The following ADK variants were observed in gnomAD, a reference collection of about 807,000 sequenced individuals.
The protein encoded by ADK is N6,N6-dimethyladenosine kinase.
In ADK, 24 loss-of-function variants were observed where a neutral mutation model predicts 44.7. That is an observed-to-expected ratio of 0.54 (90% CI 0.39 to 0.76). ADK has a LOEUF of 0.76. ADK is among the 30% of genes least tolerant of loss of function. The pLI, the probability that ADK is intolerant of heterozygous loss-of-function variation, is 0.00. For missense variants in ADK, 321 were observed against 425.1 expected, an observed-to-expected ratio of 0.76 and a Z score of 2.15; for synonymous variants, 128 against 142.6, an observed-to-expected ratio of 0.90 and a Z score of 0.73.
chr10:74,694,244 A>G (rs540607998), intron 10 of ADK, among the ~76,000 whole-genome samples: 3 of 150,424 alleles, frequency 2.0e-5, no homozygotes, highest in Non-Finnish European at 4.4e-5. Context: ...AAGGAAACAC[A>G]AGTAGAAATT....
At chr10:74,155,998 A>C (rs1033660619) in intron 1 of ADK, among the ~76,000 whole-genome samples, 1 of 152,166 alleles carries the variant, frequency 6.6e-6, no homozygotes, top group African/African-American at 2.4e-5. Flanking sequence ...TTGGGCTATG[A>C]AGGAATGGAA....
At chr10:74,458,301 T>TTG (rs1448176539) in intron 6 of ADK, among the ~76,000 whole-genome samples, 1 of 144,224 alleles carries the variant, frequency 6.9e-6, no homozygotes, top group Non-Finnish European at 1.5e-5. Flanking sequence ...CAGGTTTTGT[T>TTG]TTTTTTTTTT....
At chr10:74,563,450 T>G (rs1850534663) in intron 7 of ADK, among the ~76,000 whole-genome samples, 2 of 152,232 alleles carry the variant, frequency 1.3e-5, no homozygotes, top group African/African-American at 4.8e-5. Context: ...TCTGTGTTAC[T>G]AGTTCCTAGC....
Position 74,356,002 on chromosome 10 carries a change from A to ATATTGTTT in ADK, c.274-38138_274-38137insATTGTTTT, listed in dbSNP as rs57958159. 5.1e-3 allele frequency among the ~76,000 whole-genome samples: 422 copies of ATATTGTTT among 83,232 alleles called. 10 individuals carry two copies. The highest frequency in any genetic ancestry group is 0.014 in the African/African-American group (267 of 19,610). 54.6% of individuals were successfully genotyped at this position (83,232 alleles called of 152,430 possible). On this transcript the variant is annotated intron_variant, in intron 4 of 10. Coordinates refer to ENST00000539909, the MANE Select transcript of ADK (RefSeq NM_006721.4). ...TCTGAAATATTTCACTAAATAATTC[A>ATATTGTTT]TTTTTTTTTTTTTTTTTTTTTTTTT... is the stretch of plus-strand genomic sequence containing the variant.
chr10:74,503,097 A>G (rs1450141030), intron 6 of ADK, among the ~76,000 whole-genome samples: 1 of 152,210 alleles, frequency 6.6e-6, no homozygotes, highest in African/African-American at 2.4e-5. Context: ...AGAGGTCAAC[A>G]AAGTATGGCC....
chr10:74,357,308 TG>T (rs1842178268), intron 4 of ADK, among the ~76,000 whole-genome samples: 2 of 152,138 alleles, frequency 1.3e-5, no homozygotes, highest in African/African-American at 4.8e-5. Flanking sequence ...AGTGTGGTGG[TG>T]GTGATTATGG....
chr10:74,350,443 G>A (rs1331253526), intron 4 of ADK, among the ~76,000 whole-genome samples: 1 of 152,154 alleles, frequency 6.6e-6, no homozygotes, highest in Non-Finnish European at 1.5e-5. Context: ...ATAGCACTAA[G>A]TGCCCACTTC....
intron 4 of ADK, among the ~76,000 whole-genome samples, chr10:74,351,294 A>G (rs1660384618): frequency 6.6e-6 from 1 of 152,228 alleles, no homozygotes; most frequent in Non-Finnish European, 1.5e-5. Flanking sequence ...GTAATCTATC[A>G]CATAAACAGA....
At chr10:74,440,553 TTAAAA>T (rs1258815247) in intron 6 of ADK, among the ~76,000 whole-genome samples, 5 of 152,122 alleles carry the variant, frequency 3.3e-5, no homozygotes, top group African/African-American at 1.2e-4. Flanking sequence ...TATTATTTGT[TTAAAA>T]TAAATGATCT....
At chr10:74,265,449 C>T (rs995218664) in intron 3 of ADK, among the ~76,000 whole-genome samples, 1 of 151,936 alleles carries the variant, frequency 6.6e-6, no homozygotes, top group African/African-American at 2.4e-5. Context: ...CTCCTGACCT[C>T]GTGATCCACC....
intron 6 of ADK, among the ~76,000 whole-genome samples, chr10:74,479,187 C>T (rs1396596147): frequency 2.0e-5 from 3 of 151,398 alleles, no homozygotes; most frequent in South Asian, 2.1e-4. Context: ...TTTGTAAAGA[C>T]GTGGTTTCAC....
chr10:74,493,840 G>C (rs1249711292), intron 6 of ADK, among the ~76,000 whole-genome samples: 2 of 152,040 alleles, frequency 1.3e-5, no homozygotes, highest in African/African-American at 4.8e-5. Flanking sequence ...CTCATCTTTG[G>C]TAAGGTCAGA....
At chr10:74,577,225 T>A (rs918409395) in intron 7 of ADK, among the ~76,000 whole-genome samples, 1 of 151,814 alleles carries the variant, frequency 6.6e-6, no homozygotes, top group Admixed American at 6.6e-5. Context: ...TCTTTGTAGA[T>A]GTGGGGTAGT....
intron 9 of ADK, among the ~76,000 whole-genome samples, chr10:74,664,854 G>A (rs1229552616): frequency 6.6e-6 from 1 of 152,028 alleles, no homozygotes; most frequent in Non-Finnish European, 1.5e-5. Flanking sequence ...AGAAAAAAAA[G>A]TAATATGTGA....
At chr10:74,181,392 T>C (rs115086223) in intron 1 of ADK, among the ~76,000 whole-genome samples, 10,759 of 152,254 alleles carry the variant, frequency 0.071, 1,310 homozygotes, top group African/African-American at 0.24. Flanking sequence ...AGTCTAAATT[T>C]ACAGCCTCTG....
intron 9 of ADK, among the ~76,000 whole-genome samples, chr10:74,657,771 A>G (rs1854541350): frequency 6.6e-6 from 1 of 152,246 alleles, no homozygotes; most frequent in African/African-American, 2.4e-5. Context: ...ACCTATAAGG[A>G]GTTCAAAGTT....
In ADK at chr10:74,259,583, A is replaced by G. The variant is rs373613513; in HGVS notation, c.194+34992A>G. 2.3e-4 allele frequency among the ~76,000 whole-genome samples: 35 copies of G among 150,848 alleles called. 1 individual carries two copies. Among genetic ancestry groups the G allele is most frequent in the Middle Eastern group, 6.9e-3 (2 of 288 alleles). ...GCCATTCTCCTGCCTCAGCCTCCCAAGTAGCTGGGACTACAGGCACCCGCC... is the reference window on the plus strand; with the variant it reads ...GCCATTCTCCTGCCTCAGCCTCCCAGGTAGCTGGGACTACAGGCACCCGCC... On this transcript the variant is annotated intron_variant, in intron 3 of 10. Coordinates refer to ENST00000539909, the MANE Select transcript of ADK (RefSeq NM_006721.4).
intron 3 of ADK, among the ~76,000 whole-genome samples, chr10:74,263,853 A>T (rs551258537): frequency 9.2e-5 from 14 of 152,034 alleles, no homozygotes; most frequent in Admixed American, 6.6e-5. Flanking sequence ...TATGTAATTT[A>T]TTTTCACCTG....
chr10:74,541,914 A>T (rs147781076), intron 7 of ADK, among the ~76,000 whole-genome samples: 19 of 151,190 alleles, frequency 1.3e-4, no homozygotes, highest in African/African-American at 4.1e-4. Context: ...TCACATGGTT[A>T]AGAAAATGTT....
Sources: gnomAD v4.1 joint callset for allele counts (sites outside exome capture counted in the v4.1 genomes callset) on GRCh38, gnomAD v4.1.1 for gene constraint, MANE v1.5 for transcripts, NCBI Gene and HGNC (gene_info 2026-07-23, HGNC 2026-07-21) for gene names.